The following MYH1 variants were observed in gnomAD, a reference collection of about 807,000 sequenced individuals.
The protein encoded by MYH1 is myosin heavy chain 1, also known as myosin-1.
In MYH1, 214 loss-of-function variants were observed where a neutral mutation model predicts 225.6. That is an observed-to-expected ratio of 0.95 (90% CI 0.85 to 1.06). The LOEUF is 1.06. Ranked by LOEUF, MYH1 falls within the 50% of genes least tolerant of loss-of-function variation. MYH1 has a pLI of 0.00. For missense variants in MYH1, 2,098 were observed against 2,344.2 expected, an observed-to-expected ratio of 0.89 and a Z score of 2.17; for synonymous variants, 774 against 842.3, an observed-to-expected ratio of 0.92 and a Z score of 1.40.
rs982772795 is a variant in MYH1, at chr17:10,513,612, G to A, written c.805+14C>T. 3.1e-6 allele frequency: 5 copies of A among 1,611,574 alleles called. No individual in the cohort carries two copies. Among genetic ancestry groups the A allele is most frequent in the Non-Finnish European group, 3.4e-6 (4 of 1,177,698 alleles). Reference sequence around the variant, plus strand: ...GTCATTCTTGGATTCTATTTAGGAGGTCCTGTTACTCACATGTTTCAATAT... The same window carrying A: ...GTCATTCTTGGATTCTATTTAGGAGATCCTGTTACTCACATGTTTCAATAT... On this transcript the variant is annotated intron_variant, in intron 9 of 39. Coordinates refer to ENST00000226207, the MANE Select transcript of MYH1 (RefSeq NM_005963.4).
At chr17:10,509,785 A>G in intron 14 of MYH1, 130 bp from the exon 15 acceptor site, 3 of 1,506,128 alleles carry the variant, frequency 2.0e-6, no homozygotes, top group Non-Finnish European at 2.7e-6. Flanking sequence ...TACCTACACA[A>G]TGAAGTTTTT....
rs2073011652 is a variant in MYH1, at chr17:10,497,768, G to C, written c.4331C>G (p.Ala1444Gly). ...IDVERTNAAC[A>G]ALDKKQRNFD... ...GTTCCTTTGCTTTTTGTCCAGGGCG[G>C]CACAGGCAGCATTTGTCCTCTCAAC... Residue 1444 changes from alanine (A) to glycine (G), a missense_variant, in exon 31 of 40, where the codon GCC becomes GGC. Ala to Gly is a moderately conservative substitution (Grantham distance 60). Coordinates refer to ENST00000226207, the MANE Select transcript of MYH1 (RefSeq NM_005963.4). 1 of 1,613,796 alleles carries C rather than the reference G, an allele frequency of 6.2e-7. No individual in the cohort carries two copies. The highest frequency in any genetic ancestry group is 1.3e-5 in the African/African-American group (1 of 74,900).
chr17:10,512,825 A>T (rs1179918454), intron 10 of MYH1, 41 bp from the exon 11 acceptor site: 2 of 1,608,090 alleles, frequency 1.2e-6, no homozygotes, highest in Admixed American at 3.3e-5. Context: ...ACATTAGAAG[A>T]TAGTACAGTG....
intron 34 of MYH1, 34 bp from the exon 35 acceptor site, chr17:10,496,187 T>C (rs777925124): frequency 1.2e-6 from 2 of 1,614,152 alleles, no homozygotes; most frequent in South Asian, 1.1e-5. Flanking sequence ...ACACCATGTA[T>C]TCAGGGTTGC....
chr17:10,495,919 G>T (rs201936462), intron 35 of MYH1, 31 bp downstream of exon 35: 10 of 1,612,592 alleles, frequency 6.2e-6, no homozygotes, highest in Middle Eastern at 1.7e-4. Context: ...TCATACCCTT[G>T]TATTTGTTGC....
At chr17:10,504,008 A>G (rs953497124) in intron 22 of MYH1, among the ~76,000 whole-genome samples, 5 of 152,364 alleles carry the variant, frequency 3.3e-5, no homozygotes, top group East Asian at 3.9e-4. Context: ...AATTCATCAT[A>G]CTTTAGATTT....
rs886716864 is a variant in MYH1 at position 10,501,395 on chromosome 17, G to A, written c.3453C>T (p.Ser1151=). 3.0e-5 allele frequency: 48 copies of A among 1,614,022 alleles called. No individual in the cohort carries two copies. The highest frequency in any genetic ancestry group is 3.7e-5 in the Non-Finnish European group (44 of 1,180,038). Residue 1151 remains serine, a synonymous_variant, in exon 27 of 40, where the codon AGC becomes AGT. Coordinates refer to ENST00000226207, the MANE Select transcript of MYH1 (RefSeq NM_005963.4). ...CCCCACCGGCTTCTTCCAGCCTCTCGCTGATCTCCTCCAGCTCCCGGGAGA... is the reference window on the plus strand; with the variant it reads ...CCCCACCGGCTTCTTCCAGCCTCTCACTGATCTCCTCCAGCTCCCGGGAGA... The part of the protein sequence containing the change: ...SDLSRELEEI[S]ERLEEAGGAT...
At chr17:10,495,127 TTAAGACAGC>T (rs780553233) in intron 36 of MYH1, 26 bp from the exon 37 acceptor site, 15 of 1,614,220 alleles carry the variant, frequency 9.3e-6, no homozygotes, top group Admixed American at 1.7e-5. Context: ...ACAGAATGGG[TTAAGACAGC>T]TAAGACAGCA....
At position 10,505,508 on chromosome 17, in the gene MYH1, G is replaced by C. The variant is rs2073102575; in HGVS notation, c.2178C>G (p.Tyr726Ter). 1.9e-6 allele frequency: 3 copies of C among 1,614,050 alleles called. No individual in the cohort carries two copies. The highest frequency in any genetic ancestry group is 2.5e-6 in the Non-Finnish European group (3 of 1,179,982). The stretch of plus-strand genomic sequence containing the variant: ...GGATAGCACTTGCATTTAACACCTT[G>C]TATCTGTTTAAGCCAGACAAAAAAA... ...RILYADFKQRYKVLNASAIPE... is the reference protein window; with the variant it reads ...RILYADFKQR The change falls in exon 20 of 40, where the codon TAC (tyrosine) becomes TAG (stop). Residue 726 changes from tyrosine to a stop codon, truncating the protein, a stop_gained. Coordinates refer to ENST00000226207, the MANE Select transcript of MYH1 (RefSeq NM_005963.4). LOFTEE classifies it high-confidence loss of function.
rs914529134 is a variant in MYH1 at position 10,501,893 on chromosome 17, G to A, written c.3130C>T (p.Gln1044Ter). The A allele has an allele frequency of 2.5e-6, 4 of 1,606,602 alleles. No individual in the cohort carries two copies. The highest frequency in any genetic ancestry group is 3.4e-6 in the Non-Finnish European group (4 of 1,178,272). Residue 1044 changes from glutamine to a stop codon, truncating the protein, a stop_gained, in exon 25 of 40, where the codon CAA becomes TAA. Coordinates refer to ENST00000226207, the MANE Select transcript of MYH1 (RefSeq NM_005963.4). LOFTEE classifies it high-confidence loss of function. ...AGATCCATCCGGATTTTCTTTTCTTGTTCCAAAGATCCTTCAAGCTAAAAG... is the reference window on the plus strand; with the variant it reads ...AGATCCATCCGGATTTTCTTTTCTTATTCCAAAGATCCTTCAAGCTAAAAG... ...QVDDLEGSLE[Q>*]EKKIRMDLER...
At chr17:10,507,998 G>A (rs1412928726) in intron 16 of MYH1, 42 bp from the exon 17 acceptor site, 1 of 1,476,010 alleles carries the variant, frequency 6.8e-7, no homozygotes, top group Non-Finnish European at 9.3e-7. Flanking sequence ...GCCTTTCTCT[G>A]GTTATGGTTT....
In MYH1 at chr17:10,496,559, A is replaced by C; in HGVS notation, c.4657-10T>G. On this transcript the variant is annotated splice_polypyrimidine_tract_variant and intron_variant, in intron 33 of 39. Coordinates refer to ENST00000226207, the MANE Select transcript of MYH1 (RefSeq NM_005963.4). ...CATGTTCAAGAGATGCCTTAATGACAGCAAGAGGTGACATTAGTAGAGTAA... is the reference window on the plus strand; with the variant it reads ...CATGTTCAAGAGATGCCTTAATGACCGCAAGAGGTGACATTAGTAGAGTAA... 6.2e-7 allele frequency: 1 copy of C among 1,614,188 alleles called. No homozygotes were observed. Among genetic ancestry groups the C allele is most frequent in the Non-Finnish European group, 8.5e-7 (1 of 1,180,030 alleles).
At chr17:10,509,443 T>C (rs760751962) in intron 15 of MYH1, 42 bp downstream of exon 15, 1 of 1,613,624 alleles carries the variant, frequency 6.2e-7, no homozygotes, top group South Asian at 1.1e-5. Context: ...TTTTAAATAC[T>C]GTACAGCAGT....
intron 30 of MYH1, among the ~76,000 whole-genome samples, chr17:10,498,182 T>G (rs2073015926): frequency 6.6e-6 from 1 of 152,244 alleles, no homozygotes. Flanking sequence ...CCCTTCCAGG[T>G]AGCTGGTTTA....
Position 10,505,249 on chromosome 17 carries a change from C to T in MYH1, c.2349G>A (p.Glu783=), listed in dbSNP as rs544727463. 1.2e-6 allele frequency: 2 copies of T among 1,614,236 alleles called. No homozygotes were observed. Among genetic ancestry groups the T allele is most frequent in the South Asian group, 1.1e-5 (1 of 91,086 alleles). The change falls in exon 21 of 40, where the codon GAG becomes GAA. Residue 783 remains glutamate, a synonymous_variant. Transcript: ENST00000226207. ...LLGLLEEMRD[E]KLAQLITRTQ... is the part of the protein sequence containing the mutation. ...TTCGGGTAATCAGCTGGGCCAGCTT[C>T]TCATCTCGCATCTCCTCTAGGAGCC...
In MYH1 at chr17:10,500,624, A is replaced by C. The variant is rs1372304363; in HGVS notation, c.3865+2T>G. The C allele has an allele frequency of 6.2e-7, 1 of 1,613,094 alleles. No individual in the cohort carries two copies. Among genetic ancestry groups the C allele is most frequent in the Non-Finnish European group, 8.5e-7 (1 of 1,180,002 alleles). On this transcript the variant is annotated splice_donor_variant, in intron 28 of 39. Coordinates refer to ENST00000226207, the MANE Select transcript of MYH1 (RefSeq NM_005963.4). LOFTEE classifies it high-confidence loss of function. ...CAAGGTCAGTACTGGTACATGGCCCACCTGATTCTGTTTGCAGGCGCGCTC... is the reference window on the plus strand; with the variant it reads ...CAAGGTCAGTACTGGTACATGGCCCCCCTGATTCTGTTTGCAGGCGCGCTC...
chr17:10,502,266 A>G (rs1309588054), intron 24 of MYH1, among the ~76,000 whole-genome samples: 4 of 152,184 alleles, frequency 2.6e-5, no homozygotes, highest in South Asian at 2.1e-4. Flanking sequence ...TGGGTTCTCT[A>G]TTAGATATCA....
chr17:10,508,655 G>A lies in MYH1; in HGVS notation c.1605C>T (p.Ser535=), dbSNP rs1407404126. Residue 535 remains serine, a synonymous_variant, in exon 16 of 40, where the codon TCC becomes TCT. Coordinates refer to ENST00000226207, the MANE Select transcript of MYH1 (RefSeq NM_005963.4). ...ELIEKPMGIF[S]ILEEECMFPK... Reference sequence around the variant, plus strand: ...GGAACATGCACTCCTCTTCCAGGATGGAGAAGATGCCCATAGGCTGGAAGA... The same window carrying A: ...GGAACATGCACTCCTCTTCCAGGATAGAGAAGATGCCCATAGGCTGGAAGA... The A allele has an allele frequency of 1.2e-6, 2 of 1,613,952 alleles. No individual in the cohort carries two copies. The highest frequency in any genetic ancestry group is 1.7e-6 in the Non-Finnish European group (2 of 1,179,952).
Position 10,516,346 on chromosome 17 carries a change from T to C in MYH1, c.205-4A>G. 1 of 1,614,146 alleles carries C rather than the reference T, an allele frequency of 6.2e-7. No individual in the cohort carries two copies. The highest frequency in any genetic ancestry group is 8.5e-7 in the Non-Finnish European group (1 of 1,180,014). On this transcript the variant is annotated splice_region_variant and splice_polypyrimidine_tract_variant and intron_variant, in intron 3 of 39. Coordinates refer to ENST00000226207, the MANE Select transcript of MYH1 (RefSeq NM_005963.4). ...GGTCATCTTTCACTGTTACAGTCTG[T>C]CCAGTCAAACAAGAGAGGCCAGATC...
Sources: gnomAD v4.1 joint callset for allele counts (sites outside exome capture counted in the v4.1 genomes callset) on GRCh38, gnomAD v4.1.1 for gene constraint, MANE v1.5 for transcripts, NCBI Gene and HGNC (gene_info 2026-07-23, HGNC 2026-07-21) for gene names.